Variants in CPAMD8 observed in about 807,000 individuals in gnomAD.
CPAMD8 encodes C3 and PZP like alpha-2-macroglobulin domain containing 8.
In CPAMD8, 146 loss-of-function variants were observed where a neutral mutation model predicts 224.7. That is an observed-to-expected ratio of 0.65 (90% CI 0.57 to 0.75). CPAMD8 has a LOEUF of 0.75. CPAMD8 is among the 30% of genes least tolerant of loss of function. The probability of loss-of-function intolerance (pLI) is 0.00; values close to 1 mark genes in which losing one functional copy is unlikely to be tolerated. For missense variants in CPAMD8, 2,301 were observed against 2,537.5 expected (o/e 0.91, Z 2.00); for synonymous variants, 966 against 1,044.6 (o/e 0.92, Z 1.45).
At chr19:17,011,851 C>A in intron 3 of CPAMD8, 94 bp from the exon 4 acceptor site, 1 of 1,414,592 alleles carries the variant, frequency 7.1e-7, no homozygotes, top group East Asian at 2.3e-5. Flanking sequence ...ACAGGGGGAA[C>A]TCACCCCAGG....
chr19:17,014,988 T>A (rs2056772877), intron 3 of CPAMD8, among the ~76,000 whole-genome samples: 1 of 152,208 alleles, frequency 6.6e-6, no homozygotes, highest in Non-Finnish European at 1.5e-5. Flanking sequence ...ACGCCTGTCA[T>A]CCCAGCACTT....
intron 34 of CPAMD8, among the ~76,000 whole-genome samples, chr19:16,903,256 G>A (rs894935267): frequency 6.6e-6 from 1 of 151,944 alleles, no homozygotes; most frequent in African/African-American, 2.4e-5. Context: ...CTGGTCTGGG[G>A]CTAAATCCAG....
chr19:16,910,336 A>C (rs566278091), intron 29 of CPAMD8, among the ~76,000 whole-genome samples: 1 of 148,680 alleles, frequency 6.7e-6, no homozygotes, highest in South Asian at 2.1e-4. Flanking sequence ...CACCCAGCTA[A>C]TTTTTGTATT....
At position 16,937,684 on chromosome 19, in the gene CPAMD8, G is replaced by A. The variant is rs181210513; in HGVS notation, c.2845+711C>T. On this transcript the variant is annotated intron_variant, in intron 23 of 41. Coordinates refer to ENST00000443236, the MANE Select transcript of CPAMD8 (RefSeq NM_015692.5). ...TTTTTTTTTTTTGAGTTGGAGTCTC[G>A]CTCTGTCACCCAGGCTGGAGTGCAA... is the stretch of plus-strand genomic sequence containing the variant. Among the ~76,000 whole-genome samples, 648 of 129,206 alleles carry A rather than the reference G, an allele frequency of 5.0e-3. 7 individuals are homozygous for A. The highest frequency in any genetic ancestry group is 0.018 in the African/African-American group (620 of 33,772). 84.8% of individuals were successfully genotyped at this position (129,206 alleles called of 152,430 possible).
chr19:17,020,193 C>G (rs1053958685), intron 3 of CPAMD8, 138 bp downstream of exon 3: 5 of 677,344 alleles, frequency 7.4e-6, no homozygotes, highest in Admixed American at 6.9e-5. Flanking sequence ...AGGCTGATCT[C>G]GAACTCCTGA....
In CPAMD8 at chr19:16,903,568, A is replaced by G. The variant is rs1254128520; in HGVS notation, c.4463T>C (p.Leu1488Pro). The G allele has an allele frequency of 5.0e-6, 8 of 1,614,128 alleles. No homozygotes were observed. Among genetic ancestry groups the G allele is most frequent in the Non-Finnish European group, 6.8e-6 (8 of 1,180,010 alleles). Residue 1488 changes from leucine (L) to proline (P), a missense_variant, in exon 34 of 42, where the codon CTG (leucine) becomes CCG (proline). Around this residue, in one of 4 missense-constraint regions of CPAMD8, gnomAD observed 1,709 missense variants for 1,753.2 expected, o/e 0.97. Transcript: ENST00000443236. ...TGCTCCCCAAAACCTCACCTGCATC[A>G]GGCAGCAGCCGTCCCCCTTGGCACT... ...FVSAKGDGCC[L>P]MQIDVTYNVP...
chr19:16,918,747 C>CTTTTTT (rs3029467), intron 27 of CPAMD8, among the ~76,000 whole-genome samples: 1 of 127,510 alleles, frequency 7.8e-6, no homozygotes. Flanking sequence ...CACACCCAGA[C>CTTTTTT]TTTTTTTTTT....
chr19:16,907,052 G>T lies in CPAMD8; in HGVS notation c.3927C>A (p.Asp1309Glu), dbSNP rs752398859. Residue 1309 changes from aspartate (D) to glutamate (E), a missense_variant, in exon 30 of 42, where the codon GAC becomes GAA. Around this residue, in one of 4 missense-constraint regions of CPAMD8, gnomAD observed 1,709 missense variants for 1,753.2 expected, o/e 0.97. Transcript: ENST00000443236. ...FLESAAPLAMDPYSCALTTYA... is the reference protein window; with the variant it reads ...FLESAAPLAMEPYSCALTTYA... ...AGGTAGTCAGGGCACAGCTATAAGG[G>T]TCCATGGCCAGGGGCGCAGCAGACT... 1 of 1,606,460 alleles carries T rather than the reference G, an allele frequency of 6.2e-7. No homozygotes were observed. Among genetic ancestry groups the T allele is most frequent in the Non-Finnish European group, 8.5e-7 (1 of 1,176,758 alleles).
intron 22 of CPAMD8, among the ~76,000 whole-genome samples, chr19:16,940,783 C>A (rs572824436): frequency 3.9e-5 from 6 of 152,266 alleles, no homozygotes; most frequent in Admixed American, 3.9e-4. Flanking sequence ...GTGGCACCCA[C>A]GGGTCATTTG....
chr19:16,962,995 G>C (rs2054705912), intron 18 of CPAMD8, among the ~76,000 whole-genome samples: 1 of 152,200 alleles, frequency 6.6e-6, no homozygotes, highest in Non-Finnish European at 1.5e-5. Context: ...CAAATGCTGA[G>C]AGATTTTGTC....
Position 16,977,410 on chromosome 19 carries a change from G to A in CPAMD8, c.1716C>T (p.Ala572=), listed in dbSNP as rs200923873. ...TCTCGACTGCAAACTGAAGGCTGTC[G>A]GCGACCCCTTCTCCATTCTCCCTGA... The part of the protein sequence containing the change: ...FYVRENGEGV[A]DSLQFAVETF... Residue 572 remains alanine (A), a synonymous_variant, in exon 15 of 42, where the codon GCC becomes GCT. Coordinates refer to ENST00000443236, the MANE Select transcript of CPAMD8 (RefSeq NM_015692.5). 1.4e-4 allele frequency: 228 copies of A among 1,612,534 alleles called. No individual in the cohort carries two copies. Among genetic ancestry groups the A allele is most frequent in the Non-Finnish European group, 1.7e-4 (205 of 1,179,294 alleles).
At chr19:16,906,300 CCT>C (rs201527602) in intron 30 of CPAMD8, among the ~76,000 whole-genome samples, 16 of 148,964 alleles carry the variant, frequency 1.1e-4, no homozygotes, top group African/African-American at 3.3e-4. Context: ...TCCCTCCCTC[CCT>C]CTCTCTCTTC....
chr19:16,957,723 A>T (rs1256158158), intron 19 of CPAMD8, 130 bp downstream of exon 19: 59 of 825,650 alleles, frequency 7.1e-5, no homozygotes, highest in Non-Finnish European at 8.7e-5. Flanking sequence ...TGTGTGTTAG[A>T]AAAAGATGCA....
Position 16,975,183 on chromosome 19 carries a change from C to A in CPAMD8, c.1984G>T (p.Ala662Ser). ...VSREDGPFWW[A>S]GLTAQRRRRS... Reference sequence around the variant, plus strand: ...CGGCGTCGTTGTGCCGTCAGCCCAGCCCACCAAAAAGGACCATCCTCCCTG... The same window carrying A: ...CGGCGTCGTTGTGCCGTCAGCCCAGACCACCAAAAAGGACCATCCTCCCTG... The change falls in exon 17 of 42, where the codon GCT becomes TCT. Residue 662 changes from alanine (A) to serine (S), a missense_variant. By Grantham distance (99) the Ala-to-Ser change is moderately conservative. This residue lies in a region of CPAMD8 where 1,709 missense variants were observed against 1,753.2 expected (regional missense o/e 0.97). Transcript: ENST00000443236. 6 of 1,611,894 alleles carry A rather than the reference C, an allele frequency of 3.7e-6. No homozygotes were observed. The highest frequency in any genetic ancestry group is 5.1e-6 in the Non-Finnish European group (6 of 1,179,094).
At chr19:16,907,266 A>G in intron 29 of CPAMD8, 149 bp from the exon 30 acceptor site, 1 of 891,040 alleles carries the variant, frequency 1.1e-6, no homozygotes, top group East Asian at 3.6e-5. Context: ...CTGCCTGCAG[A>G]CCCAATTTTC....
intron 13 of CPAMD8, among the ~76,000 whole-genome samples, chr19:16,981,053 G>A (rs1443231863): frequency 2.0e-5 from 3 of 151,840 alleles, no homozygotes; most frequent in Non-Finnish European, 4.4e-5. Flanking sequence ...GGCTGGTCTC[G>A]AACTCCTGAC....
intron 39 of CPAMD8, 176 bp from the exon 40 acceptor site, chr19:16,896,841 G>C (rs1221531910): frequency 2.3e-6 from 1 of 427,040 alleles, no homozygotes; most frequent in Non-Finnish European, 4.1e-6. Flanking sequence ...ATTTCACGCA[G>C]GTATTTGCCT....
intron 10 of CPAMD8, among the ~76,000 whole-genome samples, chr19:16,999,585 C>CA (rs1200333256): frequency 0.17 from 22,103 of 126,372 alleles, 1,858 homozygotes; most frequent in Admixed American, 0.24. Flanking sequence ...ACTCCATCTC[C>CA]AAAAAAAAAA....
intron 30 of CPAMD8, among the ~76,000 whole-genome samples, chr19:16,906,407 T>TTTCTTTCTTTCTCTCTTTCCTTCC (rs1196710399): frequency 2.9e-5 from 2 of 69,866 alleles, no homozygotes; most frequent in African/African-American, 1.3e-4. Flanking sequence ...TCTTTCTTTC[T>TTTCTTTCTTTCTCTCTTTCCTTCC]TTCCTTCCTT....
Sources: gnomAD v4.1 joint callset for allele counts (sites outside exome capture counted in the v4.1 genomes callset) on GRCh38, gnomAD v4.1.1 for gene constraint, gnomAD v4.1.1 regional missense constraint, MANE v1.5 for transcripts, NCBI Gene and HGNC (gene_info 2026-07-23, HGNC 2026-07-21) for gene names.